Variants in FGF17 observed in about 807,000 individuals in gnomAD.
FGF17 encodes the protein fibroblast growth factor 17.
Under a neutral mutation model 23.5 loss-of-function variants are expected in FGF17, and 5 were observed. That is an observed-to-expected ratio of 0.21 (90% CI 0.11 to 0.45). The LOEUF (loss-of-function observed/expected upper bound fraction) is 0.45. FGF17 is among the 20% of genes least tolerant of loss of function. FGF17 has a pLI of 0.99. For missense variants in FGF17, 221 were observed against 306.9 expected (o/e 0.72, Z 2.09); for synonymous variants, 136 against 123.0 (o/e 1.11, Z -0.70).
At chr8:22,040,229 G>A (rs1186282574), upstream of FGF17, among the ~76,000 whole-genome samples, 1 of 152,222 alleles carries the variant, frequency 6.6e-6, no homozygotes, top group African/African-American at 2.4e-5. Context: ...GTGGATGGCG[G>A]TGGTTTTGAC....
Position 22,048,285 on chromosome 8 carries a change from TC to T in FGF17, c.*40del. 6.0e-6 allele frequency: 9 copies of T among 1,502,144 alleles called. No homozygotes were observed. The highest frequency in any genetic ancestry group is 8.1e-6 in the Non-Finnish European group (9 of 1,107,510). 93.1% of individuals were successfully genotyped at this position (1,502,144 alleles called of 1,614,324 possible). ...AGGGGGCAGCAGCCCCTGGGCCGCC[TC>T]CCCACCCCTTTCCCTTCTTAATCCA... On this transcript the variant is annotated 3_prime_UTR_variant, in exon 5 of 5. Coordinates refer to ENST00000359441, the MANE Select transcript of FGF17 (RefSeq NM_003867.4). This position sits in a 1 kb window ranked among gnomAD's most constrained non-coding sequence, Gnocchi z 6.9.
chr8:22,042,547 G>A (rs570755366), upstream of FGF17: 77 of 374,706 alleles, frequency 2.1e-4, no homozygotes, highest in South Asian at 3.0e-3. Context: ...TGGCCAGTCT[G>A]TGAGGGTCAG....
chr8:22,044,113 C>T (rs2129657890), intron 2 of FGF17, among the ~76,000 whole-genome samples: 1 of 152,170 alleles, frequency 6.6e-6, no homozygotes, highest in South Asian at 2.1e-4. Context: ...AGAAAGCCCC[C>T]AGCCTGGCTG....
Position 22,048,642 on chromosome 8 carries a change from T to C in FGF17, c.*393T>C. On this transcript the variant is annotated 3_prime_UTR_variant, in exon 5 of 5. Coordinates refer to ENST00000359441, the MANE Select transcript of FGF17 (RefSeq NM_003867.4). This position sits in a 1 kb window ranked among gnomAD's most constrained non-coding sequence, Gnocchi z 6.9. ...CTCAGTCTGCCCCCAGCCCCCAAACTCCTCCTGGCTAGACTGTAGGAAGGG... is the reference window on the plus strand; with the variant it reads ...CTCAGTCTGCCCCCAGCCCCCAAACCCCTCCTGGCTAGACTGTAGGAAGGG... 1 of 242,574 alleles carries C rather than the reference T, an allele frequency of 4.1e-6. No homozygotes were observed. The highest frequency in any genetic ancestry group is 9.1e-5 in the South Asian group (1 of 10,986). The allele number at this position is 242,574 out of a possible 1,614,324, so 15.0% of individuals were successfully genotyped here.
chr8:22,045,153 G>A (rs1232836766), intron 2 of FGF17: 11 of 985,392 alleles, frequency 1.1e-5, no homozygotes, highest in Non-Finnish European at 1.1e-5. Context: ...GAGAGACCTA[G>A]CTGGGAGGCG....
rs144144739 is a variant in FGF17 at position 22,046,534 on chromosome 8, C to T, written c.258C>T (p.Leu86=). 3.7e-6 allele frequency: 6 copies of T among 1,613,064 alleles called. No individual in the cohort carries two copies. Among genetic ancestry groups the T allele is most frequent in the Non-Finnish European group, 5.1e-6 (6 of 1,179,338 alleles). ...TAEDGNKFAK[L]IVETDTFGSR... is the part of the protein sequence containing the mutation. The stretch of plus-strand genomic sequence containing the variant: ...TCCCCTCCCCCACCACAGCCAAGCT[C>T]ATAGTGGAGACGGACACGTTTGGCA... The change falls in exon 4 of 5, where the codon CTC becomes CTT. Residue 86 remains leucine, a synonymous_variant. Transcript: ENST00000359441.
chr8:22,045,192 G>C, intron 2 of FGF17: 1 of 985,528 alleles, frequency 1.0e-6, no homozygotes, highest in Admixed American at 6.1e-5. Context: ...CACAGTGCGT[G>C]GGGGGAAATG....
upstream of FGF17, among the ~76,000 whole-genome samples, chr8:22,040,809 C>A (rs1251046484): frequency 6.6e-6 from 1 of 152,238 alleles, no homozygotes; most frequent in East Asian, 1.9e-4. Flanking sequence ...CTCTTTAATG[C>A]CCTGCCTGGG....
intron 2 of FGF17, 43 bp from the exon 3 acceptor site, chr8:22,046,071 C>G: frequency 1.2e-6 from 2 of 1,613,914 alleles, no homozygotes; most frequent in Non-Finnish European, 1.7e-6. Context: ...GGTGGTGTCA[C>G]CCAAAGCAAA....
At chr8:22,046,912 T>C (rs1800882522) in intron 4 of FGF17, among the ~76,000 whole-genome samples, 2 of 151,162 alleles carry the variant, frequency 1.3e-5, no homozygotes, top group Non-Finnish European at 2.9e-5. Context: ...TCTGAAGTAG[T>C]AGCTGGCACT....
At chr8:22,045,401 T>G (rs1405217807) in intron 2 of FGF17, 2 of 989,432 alleles carry the variant, frequency 2.0e-6, no homozygotes, top group African/African-American at 3.5e-5. Flanking sequence ...TGTCCCATAG[T>G]GCCCAGCCCC....
intron 4 of FGF17, 33 bp from the exon 5 acceptor site, chr8:22,047,923 C>T (rs995082098): frequency 1.3e-6 from 2 of 1,583,040 alleles, no homozygotes; most frequent in Non-Finnish European, 1.7e-6. Flanking sequence ...GGTAGGTGGA[C>T]AAATGCCCTT....
intron 2 of FGF17, chr8:22,044,854 A>G (rs932517200): frequency 3.0e-6 from 3 of 985,262 alleles, no homozygotes; most frequent in African/African-American, 1.7e-5. Flanking sequence ...CCCCCTCCCT[A>G]GGAGAGAGTA....
At chr8:22,040,332 G>A (rs1800719299), upstream of FGF17, among the ~76,000 whole-genome samples, 2 of 152,268 alleles carry the variant, frequency 1.3e-5, no homozygotes, top group Admixed American at 6.5e-5. Context: ...CAGCGTATAA[G>A]GACCAGGGCA....
chr8:22,040,636 G>C (rs1372081921), upstream of FGF17, among the ~76,000 whole-genome samples: 1 of 152,242 alleles, frequency 6.6e-6, no homozygotes, highest in Non-Finnish European at 1.5e-5. Context: ...TGTCCCCATG[G>C]ATAGAAACAG....
intron 2 of FGF17, among the ~76,000 whole-genome samples, chr8:22,044,286 G>A (rs533105284): frequency 2.0e-5 from 3 of 152,224 alleles, no homozygotes; most frequent in South Asian, 2.1e-4. Flanking sequence ...CCTGGGAGGG[G>A]GGGCCAGCAG....
Position 22,048,562 on chromosome 8 carries a change from C to T in FGF17, c.*313C>T, listed in dbSNP as rs1585547362. 1.5e-5 allele frequency: 6 copies of T among 410,226 alleles called. No individual in the cohort carries two copies. In the East Asian group the frequency reaches 2.5e-4, roughly 17 times the overall value. 25.4% of individuals were successfully genotyped at this position (410,226 alleles called of 1,614,324 possible). On this transcript the variant is annotated 3_prime_UTR_variant, in exon 5 of 5. Coordinates refer to ENST00000359441, the MANE Select transcript of FGF17 (RefSeq NM_003867.4). This position sits in a 1 kb window ranked among gnomAD's most constrained non-coding sequence, Gnocchi z 6.9. ...CGCTGAAAGGTCAGCGACTGAAGGC[C>T]TTGCAGACAACCGTCTGGAGGTGGC...
In FGF17 at chr8:22,048,616, CCTCA is replaced by C; in HGVS notation, c.*368_*371del. 3.6e-6 allele frequency: 1 copy of C among 280,510 alleles called. No homozygotes were observed. The highest frequency in any genetic ancestry group is 7.8e-5 in the East Asian group (1 of 12,772). The allele number at this position is 280,510 out of a possible 1,614,324, so 17.4% of individuals were successfully genotyped here. A position where few individuals can be genotyped will look rare whatever the true frequency, so the allele number is the denominator to read the frequency against. On this transcript the variant is annotated 3_prime_UTR_variant, in exon 5 of 5. Transcript: ENST00000359441. The surrounding 1 kb of genome is among the most constrained non-coding windows in gnomAD (Gnocchi z 6.9). ...CCTCAAAATCTGCTTCTCGGATCTCCCTCAGTCTGCCCCCAGCCCCCAAACTCCT... is the reference window on the plus strand; with the variant it reads ...CCTCAAAATCTGCTTCTCGGATCTCCGTCTGCCCCCAGCCCCCAAACTCCT...
At chr8:22,042,741 G>A (rs1323532988), upstream of FGF17, 7 of 623,772 alleles carry the variant, frequency 1.1e-5, no homozygotes, top group South Asian at 3.8e-5. Flanking sequence ...TCCCAATTAC[G>A]CCCTCCTCCT....
Sources: gnomAD v4.1 joint callset for allele counts (sites outside exome capture counted in the v4.1 genomes callset) on GRCh38, gnomAD v4.1.1 for gene constraint, Gnocchi (gnomAD v3.1) non-coding constraint, MANE v1.5 for transcripts, NCBI Gene and HGNC (gene_info 2026-07-23, HGNC 2026-07-21) for gene names.